CYP4X1: variants seen among roughly 807,000 people sequenced by gnomAD.
The protein encoded by CYP4X1 is cytochrome P450 family 4 subfamily X member 1, also known as cytochrome P450 4X1.
CYP4X1 carries 44 observed loss-of-function variants against 57.9 expected under a neutral mutation model. That is an observed-to-expected ratio of 0.76 (90% CI 0.60 to 0.98). The LOEUF is 0.98. Ranked by LOEUF, CYP4X1 falls within the 50% of genes least tolerant of loss-of-function variation. CYP4X1 has a pLI of 0.00. For missense variants in CYP4X1, 532 were observed against 623.9 expected (o/e 0.85, Z 1.57); for synonymous variants, 227 against 228.6 (o/e 0.99, Z 0.06).
intron 9 of CYP4X1, among the ~76,000 whole-genome samples, chr1:47,047,903 G>C (rs894202596): frequency 6.6e-6 from 1 of 152,078 alleles, no homozygotes; most frequent in Non-Finnish European, 1.5e-5. Flanking sequence ...AGCCAGTTCT[G>C]TGCTTTTATA....
chr1:46,999,854 C>T, the CYP4X1 span, among the ~76,000 whole-genome samples: 1 of 151,818 alleles, frequency 6.6e-6, no homozygotes, highest in Non-Finnish European at 1.5e-5. Flanking sequence ...ATCCCTATCT[C>T]TTTGGTGACA....
At chr1:47,021,980 GC>G (rs1055778929), upstream of CYP4X1, among the ~76,000 whole-genome samples, 1 of 152,158 alleles carries the variant, frequency 6.6e-6, no homozygotes, top group Non-Finnish European at 1.5e-5. Context: ...GAGGTCTTTG[GC>G]CCTACCACCA....
At chr1:47,010,422 G>A in the CYP4X1 span, among the ~76,000 whole-genome samples, 1 of 152,090 alleles carries the variant, frequency 6.6e-6, no homozygotes, top group African/African-American at 2.4e-5. Context: ...AAAATAATAA[G>A]AGCTATCTAT....
chr1:47,000,188 A>G, the CYP4X1 span, among the ~76,000 whole-genome samples: 44 of 152,184 alleles, frequency 2.9e-4, no homozygotes, highest in African/African-American at 1.0e-3. Context: ...GTGTTTGGCA[A>G]TTCCCTTTCA....
the CYP4X1 span, among the ~76,000 whole-genome samples, chr1:46,973,399 G>A: frequency 6.6e-6 from 1 of 152,048 alleles, no homozygotes; most frequent in Non-Finnish European, 1.5e-5. Context: ...TTTTTTCAAA[G>A]TTTCTCTTCC....
the CYP4X1 span, among the ~76,000 whole-genome samples, chr1:46,972,343 T>A: frequency 6.6e-6 from 1 of 152,114 alleles, no homozygotes; most frequent in African/African-American, 2.4e-5. Flanking sequence ...TTACTGTAGC[T>A]TTGCAGTATA....
At chr1:46,972,358 A>C in the CYP4X1 span, among the ~76,000 whole-genome samples, 1 of 152,082 alleles carries the variant, frequency 6.6e-6, no homozygotes, top group Non-Finnish European at 1.5e-5. Context: ...AGTATATTTT[A>C]AAGTCAGGTA....
the CYP4X1 span, among the ~76,000 whole-genome samples, chr1:47,012,236 A>C: frequency 3.3e-5 from 5 of 152,318 alleles, no homozygotes; most frequent in African/African-American, 1.2e-4. Flanking sequence ...GCCATAAAAA[A>C]GATGAGTTCA....
downstream of CYP4X1, among the ~76,000 whole-genome samples, chr1:47,053,183 T>C (rs1644370380): frequency 6.6e-6 from 1 of 152,074 alleles, no homozygotes; most frequent in Non-Finnish European, 1.5e-5. Flanking sequence ...TTTTTTGTCC[T>C]TGTGATAGTT....
intron 10 of CYP4X1, among the ~76,000 whole-genome samples, 156 bp downstream of exon 10, chr1:47,048,785 A>C (rs1644330009): frequency 6.6e-6 from 1 of 152,254 alleles, no homozygotes; most frequent in South Asian, 2.1e-4. Context: ...AAACTATTCT[A>C]TGTTCTTGAA....
the CYP4X1 span, among the ~76,000 whole-genome samples, chr1:46,990,433 C>A: frequency 6.6e-6 from 1 of 152,102 alleles, no homozygotes; most frequent in Non-Finnish European, 1.5e-5. Flanking sequence ...GAAATAGGAA[C>A]GCTTTTACAT....
chr1:47,008,318 A>C, the CYP4X1 span, among the ~76,000 whole-genome samples: 1 of 152,206 alleles, frequency 6.6e-6, no homozygotes, highest in Non-Finnish European at 1.5e-5. Flanking sequence ...ATATCCAGCC[A>C]AACTAAACTT....
chr1:47,051,215 A>G (rs1196750759), downstream of CYP4X1, among the ~76,000 whole-genome samples: 1 of 152,172 alleles, frequency 6.6e-6, no homozygotes, highest in Non-Finnish European at 1.5e-5. Context: ...GGCAATCATT[A>G]AAAAGTCAGG....
At chr1:47,015,657 G>A in the CYP4X1 span, among the ~76,000 whole-genome samples, 23 of 152,160 alleles carry the variant, frequency 1.5e-4, no homozygotes, top group African/African-American at 5.3e-4. Flanking sequence ...GGAGGCTGAG[G>A]TGGGAGGATC....
the CYP4X1 span, among the ~76,000 whole-genome samples, chr1:47,011,020 C>T: frequency 6.6e-6 from 1 of 152,170 alleles, no homozygotes; most frequent in Admixed American, 6.5e-5. Flanking sequence ...CCCCATCAAG[C>T]TACCAATGAC....
At chr1:47,045,191 A>G (rs1424511906) in intron 8 of CYP4X1, among the ~76,000 whole-genome samples, 1 of 152,146 alleles carries the variant, frequency 6.6e-6, no homozygotes, top group African/African-American at 2.4e-5. Flanking sequence ...CACATTACCT[A>G]ATGGCCAAAG....
the CYP4X1 span, among the ~76,000 whole-genome samples, chr1:46,972,685 C>CT: frequency 1.3e-5 from 2 of 152,092 alleles, no homozygotes; most frequent in African/African-American, 4.8e-5. Context: ...GTATTTTATT[C>CT]TTTTTGTGGC....
chr1:46,993,390 C>T, the CYP4X1 span, among the ~76,000 whole-genome samples: 85 of 152,308 alleles, frequency 5.6e-4, no homozygotes, highest in South Asian at 1.2e-3. Context: ...CCACAATAAA[C>T]ATACATATGC....
chr1:46,990,905 G>A, the CYP4X1 span, among the ~76,000 whole-genome samples: 7 of 152,000 alleles, frequency 4.6e-5, no homozygotes, highest in Admixed American at 2.0e-4. Context: ...TGTTGGGGGC[G>A]GGGGGTTAGG....
Sources: gnomAD v4.1 joint callset for allele counts (sites outside exome capture counted in the v4.1 genomes callset) on GRCh38, gnomAD v4.1.1 for gene constraint, MANE v1.5 for transcripts, NCBI Gene and HGNC (gene_info 2026-07-23, HGNC 2026-07-21) for gene names.